ABRAXAS2: variants seen among roughly 807,000 people sequenced by gnomAD.
ABRAXAS2 encodes BRISC complex subunit Abraxas 2.
A neutral mutation model predicts 49.0 loss-of-function variants in ABRAXAS2; 23 were observed. The ratio of observed to expected loss-of-function variants is 0.47; its 90% CI spans 0.34 to 0.66. ABRAXAS2 has a LOEUF of 0.66. Among genes scored for constraint, ABRAXAS2 ranks in the 30% least tolerant of loss-of-function variants. The pLI is 0.01. For missense variants in ABRAXAS2, 443 were observed against 511.9 expected (o/e 0.87, Z 1.30); for synonymous variants, 168 against 180.2 (o/e 0.93, Z 0.54).
chr10:124,809,897 CAT>C (rs1950774925), intron 2 of ABRAXAS2, among the ~76,000 whole-genome samples: 1 of 150,324 alleles, frequency 6.7e-6, no homozygotes, highest in African/African-American at 2.4e-5. Flanking sequence ...TGAATACAGG[CAT>C]GCGCCACCAT....
intron 2 of ABRAXAS2, among the ~76,000 whole-genome samples, chr10:124,811,410 G>T (rs1950786843): frequency 6.6e-6 from 1 of 151,798 alleles, no homozygotes; most frequent in African/African-American, 2.4e-5. Flanking sequence ...TAGCACTTCT[G>T]ATTAATACTC....
rs772296408 is a variant in ABRAXAS2, at chr10:124,834,951, A to G, written c.1228A>G (p.Thr410Ala). 46 of 1,605,744 alleles carry G rather than the reference A, an allele frequency of 2.9e-5. No homozygotes were observed. In the South Asian group the frequency reaches 4.8e-4, roughly 17 times the overall value. ...ACATCCCGACGAGGACCCCAGGAAC[A>G]CTCAGACCTCCCAGATTTAACTAAA... is the stretch of plus-strand genomic sequence containing the variant. Reference protein sequence around the residue: ...MAHPDEDPRNTQTSQI With the variant: ...MAHPDEDPRNAQTSQI The change falls in exon 9 of 9, where the codon ACT becomes GCT. Residue 410 changes from threonine (T) to alanine (A), a missense_variant. Thr to Ala is a moderately conservative substitution (Grantham distance 58, BLOSUM62 0). Around this residue, in one of 3 missense-constraint regions of ABRAXAS2, gnomAD observed 230 missense variants for 237.0 expected, o/e 0.97. Coordinates refer to ENST00000298492, the MANE Select transcript of ABRAXAS2 (RefSeq NM_032182.4).
At chr10:124,828,429 A>G (rs1950910333) in intron 5 of ABRAXAS2, among the ~76,000 whole-genome samples, 1 of 152,140 alleles carries the variant, frequency 6.6e-6, no homozygotes, top group African/African-American at 2.4e-5. Flanking sequence ...CAGTGGCACA[A>G]TCTTGGCTCA....
chr10:124,809,856 G>A (rs966201283), intron 2 of ABRAXAS2, among the ~76,000 whole-genome samples: 2 of 150,944 alleles, frequency 1.3e-5, no homozygotes, highest in South Asian at 2.1e-4. Flanking sequence ...GGGTTCAAGC[G>A]ATTCTCCTGC....
chr10:124,833,387 C>T (rs2134174693), intron 8 of ABRAXAS2, among the ~76,000 whole-genome samples: 1 of 151,892 alleles, frequency 6.6e-6, no homozygotes, highest in Non-Finnish European at 1.5e-5. Context: ...ATCACCTGAG[C>T]CTGACAGGTC....
intron 7 of ABRAXAS2, among the ~76,000 whole-genome samples, chr10:124,829,727 A>G (rs764043262): frequency 6.6e-6 from 1 of 152,204 alleles, no homozygotes; most frequent in Non-Finnish European, 1.5e-5. Flanking sequence ...CCCATTTGTG[A>G]TAGTAGTTTT....
chr10:124,805,287 T>C (rs1228505768), intron 1 of ABRAXAS2, among the ~76,000 whole-genome samples: 1 of 151,404 alleles, frequency 6.6e-6, no homozygotes, highest in Non-Finnish European at 1.5e-5. Flanking sequence ...TGAGCCGAGA[T>C]TGCGCCACTG....
At chr10:124,803,523 G>A (rs1397010595) in intron 1 of ABRAXAS2, among the ~76,000 whole-genome samples, 1 of 152,154 alleles carries the variant, frequency 6.6e-6, no homozygotes, top group Non-Finnish European at 1.5e-5. Context: ...AACTTTGTAG[G>A]CTTTGTAAGC....
chr10:124,829,456 T>C lies in ABRAXAS2; in HGVS notation c.642T>C (p.Asn214=). 1 of 1,608,610 alleles carries C rather than the reference T, an allele frequency of 6.2e-7. No homozygotes were observed. Among genetic ancestry groups the C allele is most frequent in the Non-Finnish European group, 8.5e-7 (1 of 1,176,450 alleles). The change falls in exon 7 of 9, where the codon AAT becomes AAC. Residue 214 remains asparagine, a synonymous_variant. Coordinates refer to ENST00000298492, the MANE Select transcript of ABRAXAS2 (RefSeq NM_032182.4). ...TCAGGGCGATTTATCAGGTTTATAA[T>C]GCACTTCAGGAGAAAGTTCAGGTAA... ...KDIRAIYQVY[N]ALQEKVQAVC...
chr10:124,807,144 C>G (rs150902529), intron 2 of ABRAXAS2, among the ~76,000 whole-genome samples: 2 of 151,442 alleles, frequency 1.3e-5, no homozygotes, highest in African/African-American at 4.9e-5. Flanking sequence ...AACCTCATCT[C>G]TACTAAAAAT....
intron 2 of ABRAXAS2, among the ~76,000 whole-genome samples, chr10:124,812,420 G>A (rs1274895922): frequency 6.6e-6 from 1 of 152,164 alleles, no homozygotes; most frequent in Non-Finnish European, 1.5e-5. Flanking sequence ...CGTGGTAGGA[G>A]GATTGCTTGA....
rs1260948589 is a variant in ABRAXAS2, at chr10:124,816,595, T to G, written c.183T>G (p.Pro61=). 5.6e-6 allele frequency: 9 copies of G among 1,603,168 alleles called. No individual in the cohort carries two copies. The highest frequency in any genetic ancestry group is 7.7e-6 in the Non-Finnish European group (9 of 1,170,776). ...TTACAGAAATCCATAACCATCAGCC[T>G]TGTTCAAAACTTTTTAGGTAAGCCA... The part of the protein sequence containing the change: ...LQVIEIHNHQ[P]CSKLFSFYDY... Residue 61 remains proline (P), a synonymous_variant, in exon 3 of 9, where the codon CCT becomes CCG. Coordinates refer to ENST00000298492, the MANE Select transcript of ABRAXAS2 (RefSeq NM_032182.4).
At chr10:124,829,570 TAGAG>T (rs1950917685) in intron 7 of ABRAXAS2, 93 bp downstream of exon 7, 1 of 833,354 alleles carries the variant, frequency 1.2e-6, no homozygotes, top group Admixed American at 2.6e-5. Flanking sequence ...AACTGACAAA[TAGAG>T]TTAGGATCCG....
At chr10:124,813,560 T>C (rs1020103729) in intron 2 of ABRAXAS2, among the ~76,000 whole-genome samples, 2 of 152,196 alleles carry the variant, frequency 1.3e-5, no homozygotes, top group Admixed American at 1.3e-4. Context: ...CTCTGGAAAT[T>C]CCAGGTGAGG....
intron 2 of ABRAXAS2, among the ~76,000 whole-genome samples, chr10:124,810,807 TC>T (rs1352593746): frequency 2.0e-5 from 3 of 151,514 alleles, no homozygotes; most frequent in Non-Finnish European, 4.4e-5. Context: ...GGTCTCGATC[TC>T]TTGACCTTGT....
chr10:124,817,226 G>A (rs780367876), intron 3 of ABRAXAS2, among the ~76,000 whole-genome samples: 3 of 152,114 alleles, frequency 2.0e-5, no homozygotes, highest in Non-Finnish European at 2.9e-5. Flanking sequence ...AAGTGAAACC[G>A]CAGACAAGAG....
At chr10:124,807,556 G>T (rs1950754822) in intron 2 of ABRAXAS2, among the ~76,000 whole-genome samples, 1 of 152,006 alleles carries the variant, frequency 6.6e-6, no homozygotes, top group Non-Finnish European at 1.5e-5. Context: ...AGGATGCTGA[G>T]GCAGGAGAAT....
intron 4 of ABRAXAS2, among the ~76,000 whole-genome samples, chr10:124,825,114 G>T (rs536947569): frequency 5.9e-4 from 89 of 152,054 alleles, no homozygotes; most frequent in African/African-American, 2.1e-3. Context: ...TTGAGGTCAG[G>T]AGTTCAAGAC....
intron 4 of ABRAXAS2, 27 bp from the exon 5 acceptor site, chr10:124,826,568 A>G (rs372881506): frequency 1.8e-4 from 294 of 1,597,170 alleles, no homozygotes; most frequent in Non-Finnish European, 2.4e-4. Flanking sequence ...GTAAGATTTC[A>G]TGCAACTTTT....
Sources: gnomAD v4.1 joint callset for allele counts (sites outside exome capture counted in the v4.1 genomes callset) on GRCh38, gnomAD v4.1.1 for gene constraint, gnomAD v4.1.1 regional missense constraint, MANE v1.5 for transcripts, NCBI Gene and HGNC (gene_info 2026-07-23, HGNC 2026-07-21) for gene names.